Variants in ZBTB20 observed in about 807,000 individuals in gnomAD.
ZBTB20 encodes the protein zinc finger and BTB domain-containing protein 20.
A neutral mutation model predicts 56.9 loss-of-function variants in ZBTB20; 9 were observed. The ratio of observed to expected loss-of-function variants is 0.16; its 90% CI spans 0.10 to 0.28. The LOEUF (loss-of-function observed/expected upper bound fraction) is 0.28, where lower values mean the gene tolerates loss of function less well. ZBTB20 is among the 10% of genes least tolerant of loss of function. The pLI is 1.00. For synonymous variants in ZBTB20, 417 were observed against 420.7 expected, an observed-to-expected ratio of 0.99 and a Z score of 0.11; for missense variants, 655 against 1,003.0, an observed-to-expected ratio of 0.65 and a Z score of 4.69.
chr3:114,432,523 T>C (rs2090194640), intron 7 of ZBTB20, among the ~76,000 whole-genome samples: 1 of 152,200 alleles, frequency 6.6e-6, no homozygotes, highest in Non-Finnish European at 1.5e-5. Context: ...AGGTGTGTGC[T>C]ATGCCTCTCA....
At chr3:114,706,732 G>C (rs1250205647) in intron 5 of ZBTB20, among the ~76,000 whole-genome samples, 1 of 152,054 alleles carries the variant, frequency 6.6e-6, no homozygotes. Context: ...AAAGCTCTTT[G>C]AGATTATTCA....
At chr3:114,439,841 A>G (rs2090788477) in intron 7 of ZBTB20, among the ~76,000 whole-genome samples, 1 of 152,214 alleles carries the variant, frequency 6.6e-6, no homozygotes, top group Non-Finnish European at 1.5e-5. Context: ...CTTTGACACT[A>G]GACCAATTGC....
intron 6 of ZBTB20, among the ~76,000 whole-genome samples, chr3:114,635,223 AGAAGGCAAGGAAAG>A (rs2107862512): frequency 6.6e-6 from 1 of 152,314 alleles, no homozygotes; most frequent in South Asian, 2.1e-4. Flanking sequence ...CTTTTCCTTG[AGAAGGCAAGGAAAG>A]AAGTGTAAAG....
intron 6 of ZBTB20, among the ~76,000 whole-genome samples, chr3:114,587,519 C>A (rs535931618): frequency 3.7e-4 from 57 of 152,280 alleles, no homozygotes; most frequent in Non-Finnish European, 3.4e-4. Context: ...TGTGAATGAT[C>A]CTGTGCCAGA....
At chr3:114,848,870 C>T (rs369797615) in intron 4 of ZBTB20, among the ~76,000 whole-genome samples, 2 of 152,300 alleles carry the variant, frequency 1.3e-5, no homozygotes, top group East Asian at 3.9e-4. Flanking sequence ...GGATGCCTTC[C>T]TACAAATCCA....
At chr3:114,560,306 T>A (rs879778833) in intron 6 of ZBTB20, among the ~76,000 whole-genome samples, 3 of 152,160 alleles carry the variant, frequency 2.0e-5, no homozygotes, top group African/African-American at 4.8e-5. Context: ...TTCTCTTGAG[T>A]CTGTTACTTT....
At chr3:115,105,631 T>A (rs2108614909) in intron 1 of ZBTB20, among the ~76,000 whole-genome samples, 1 of 152,328 alleles carries the variant, frequency 6.6e-6, no homozygotes, top group East Asian at 1.9e-4. Flanking sequence ...CAACTCCATC[T>A]AAAGTACATA....
chr3:114,399,107 T>C (rs2086590434), intron 7 of ZBTB20, among the ~76,000 whole-genome samples: 1 of 152,162 alleles, frequency 6.6e-6, no homozygotes, highest in Non-Finnish European at 1.5e-5. Flanking sequence ...GCAGGTTCCC[T>C]AACAGTGAAT....
rs184336895 is a variant in ZBTB20, at chr3:114,399,319, A to C, written c.-254-10214T>G. 1.6e-3 allele frequency among the ~76,000 whole-genome samples: 244 copies of C among 152,296 alleles called. 3 individuals carry two copies. Among genetic ancestry groups the C allele is most frequent in the Middle Eastern group, 0.01 (3 of 294 alleles). ...GATATAAAGCGGTATACAAACAAAA[A>C]ATTTAATAAAAAGCTATTTTATAAA... On this transcript the variant is annotated intron_variant, in intron 7 of 11. Transcript: ENST00000675478.
chr3:114,736,594 T>G (rs935365337), intron 5 of ZBTB20, among the ~76,000 whole-genome samples: 4 of 152,142 alleles, frequency 2.6e-5, no homozygotes, highest in African/African-American at 9.7e-5. Flanking sequence ...GTTTAAAAAG[T>G]AAAATTCAAG....
intron 7 of ZBTB20, among the ~76,000 whole-genome samples, chr3:114,402,024 C>G (rs2086866176): frequency 6.6e-6 from 1 of 152,092 alleles, no homozygotes; most frequent in Non-Finnish European, 1.5e-5. Flanking sequence ...GTAAATTGGA[C>G]TGGGGAAGGA....
At chr3:114,478,559 C>T in intron 7 of ZBTB20, among the ~76,000 whole-genome samples, 1 of 152,262 alleles carries the variant, frequency 6.6e-6, no homozygotes, top group South Asian at 2.1e-4. Flanking sequence ...TATCTTATGT[C>T]CACTGTGAAA....
At chr3:114,981,105 T>C (rs950189166) in intron 2 of ZBTB20, among the ~76,000 whole-genome samples, 2 of 152,006 alleles carry the variant, frequency 1.3e-5, no homozygotes, top group African/African-American at 4.8e-5. Context: ...ATCTTTTTTC[T>C]CTAGAAAAGT....
rs58480744 is a variant in ZBTB20, at chr3:115,055,187, A to ATCTCTCTCTCTCTCTCTCTCTC, written c.-507+16010_-507+16031dup. 4.7e-3 allele frequency among the ~76,000 whole-genome samples: 480 copies of ATCTCTCTCTCTCTCTCTCTCTC among 103,148 alleles called. 45 individuals are homozygous for ATCTCTCTCTCTCTCTCTCTCTC. The highest frequency in any genetic ancestry group is 7.1e-3 in the African/African-American group (178 of 25,156). The allele number at this position is 103,148 out of a possible 152,430, so 67.7% of individuals were successfully genotyped here. On this transcript the variant is annotated intron_variant, in intron 2 of 11. Coordinates refer to ENST00000675478, the MANE Select transcript of ZBTB20 (RefSeq NM_001348800.3). ...TACAATCTTTTGCTCCCTCCTGGTA[A>ATCTCTCTCTCTCTCTCTCTCTC]TCTCTCTCTCTCTCTCTCTCTCTCT...
intron 6 of ZBTB20, among the ~76,000 whole-genome samples, chr3:114,679,798 A>G (rs2061858882): frequency 6.6e-6 from 1 of 152,200 alleles, no homozygotes; most frequent in East Asian, 1.9e-4. Context: ...TATACCCAAA[A>G]AAATTATAAA....
intron 7 of ZBTB20, among the ~76,000 whole-genome samples, chr3:114,482,143 C>A (rs889832347): frequency 6.6e-6 from 1 of 152,098 alleles, no homozygotes; most frequent in Non-Finnish European, 1.5e-5. Context: ...CCCAGCATGA[C>A]CCAGAAGGGC....
chr3:114,340,712 A>C (rs1448989822), intron 11 of ZBTB20, among the ~76,000 whole-genome samples: 2 of 152,186 alleles, frequency 1.3e-5, no homozygotes, highest in East Asian at 3.8e-4. Flanking sequence ...CTGACTGCCC[A>C]GTGTAGGCCC....
intron 6 of ZBTB20, among the ~76,000 whole-genome samples, chr3:114,529,606 A>G (rs550345721): frequency 6.6e-6 from 1 of 152,352 alleles, no homozygotes; most frequent in Non-Finnish European, 1.5e-5. Context: ...TTCAGAATAG[A>G]ACATAGCTGG....
At chr3:114,676,666 T>C (rs1023492394) in intron 6 of ZBTB20, among the ~76,000 whole-genome samples, 1 of 152,088 alleles carries the variant, frequency 6.6e-6, no homozygotes, top group Admixed American at 6.6e-5. Context: ...CATAATATTA[T>C]AAATGATATA....
Sources: gnomAD v4.1 joint callset for allele counts (sites outside exome capture counted in the v4.1 genomes callset) on GRCh38, gnomAD v4.1.1 for gene constraint, MANE v1.5 for transcripts, NCBI Gene and HGNC (gene_info 2026-07-23, HGNC 2026-07-21) for gene names.